The following SERF2 variants were observed in gnomAD, a reference collection of about 807,000 sequenced individuals.
SERF2 encodes small EDRK-rich factor 2.
In SERF2, 4 loss-of-function variants were observed where a neutral mutation model predicts 10.7. The observed-to-expected ratio is 0.37, with a 90% CI of 0.18 to 0.86. The LOEUF (loss-of-function observed/expected upper bound fraction) is 0.86. Among genes scored for constraint, SERF2 ranks in the 40% least tolerant of loss-of-function variants. The pLI is 0.43. For synonymous variants in SERF2, 26 were observed against 26.0 expected (o/e 1.00, Z 0.01); for missense variants, 47 against 79.1 (o/e 0.59, Z 1.54).
chr15:43,779,231 TTC>T (rs1474628863), intron 1 of SERF2, among the ~76,000 whole-genome samples: 1 of 152,172 alleles, frequency 6.6e-6, no homozygotes, highest in Non-Finnish European at 1.5e-5. Flanking sequence ...GAAAATTTTT[TTC>T]TGATTGCTTC....
upstream of SERF2, among the ~76,000 whole-genome samples, chr15:43,791,296 C>G (rs2087057762): frequency 6.6e-6 from 1 of 151,782 alleles, no homozygotes. Context: ...GGCTGGAGTG[C>G]AATGGCGCGA....
At position 43,794,696 on chromosome 15, in the gene SERF2, C is replaced by A; in HGVS notation, c.*923C>A. ...TCTTTCCCCACCCCCACTTCCAGCC[C>A]AAGAGCCAGGAAAGGGCTGGTGCCA... On this transcript the variant is annotated 3_prime_UTR_variant, in exon 3 of 3. Coordinates refer to ENST00000249786, the MANE Select transcript of SERF2 (RefSeq NM_001018108.4). 1 of 298,062 alleles carries A rather than the reference C, an allele frequency of 3.4e-6. No individual in the cohort carries two copies. The allele number at this position is 298,062 out of a possible 1,614,324, so 18.5% of individuals were successfully genotyped here. A position where few individuals can be genotyped will look rare whatever the true frequency, so the allele number is the denominator to read the frequency against.
exon 1 of SERF2, chr15:43,777,230 C>T: frequency 1.9e-6 from 1 of 521,260 alleles, no homozygotes; most frequent in Non-Finnish European, 3.8e-6. Context: ...TCAGAGTCCC[C>T]AGTCCTGCCT....
Position 43,783,927 on chromosome 15 carries a change from A to ATTTTTTTTTT in SERF2, c.-526-1463_-526-1454dup, listed in dbSNP as rs71111825. 8.7e-3 allele frequency among the ~76,000 whole-genome samples: 419 copies of ATTTTTTTTTT among 48,152 alleles called. 6 individuals carry two copies. Among genetic ancestry groups the ATTTTTTTTTT allele is most frequent in the East Asian group, 0.012 (15 of 1,234 alleles). The allele number at this position is 48,152 out of a possible 152,430, so 31.6% of individuals were successfully genotyped here. A position where few individuals can be genotyped will look rare whatever the true frequency, so the allele number is the denominator to read the frequency against. On this transcript the variant is annotated intron_variant, in intron 1 of 4. Transcript: ENST00000381359. ...CAAGCGGGTGCCACCACGCCCAGCT[A>ATTTTTTTTTT]TTTTTTTTTTTTTTTTTTTTTTTTT...
rs753706823 is a variant in SERF2 at position 43,795,023 on chromosome 15, C to G, written c.*1250C>G. 1 of 1,611,126 alleles carries G rather than the reference C, an allele frequency of 6.2e-7. No homozygotes were observed. The highest frequency in any genetic ancestry group is 8.5e-7 in the Non-Finnish European group (1 of 1,179,428). ...ACTTAGACTGGAGGATATTTGTTAT[C>G]TGGGGATATGATGCGGTGGCGGCGG... is the stretch of plus-strand genomic sequence containing the variant. On this transcript the variant is annotated 3_prime_UTR_variant, in exon 3 of 3. Coordinates refer to ENST00000249786, the MANE Select transcript of SERF2 (RefSeq NM_001018108.4).
upstream of SERF2, among the ~76,000 whole-genome samples, chr15:43,789,219 T>C (rs939629254): frequency 6.6e-6 from 1 of 152,014 alleles, no homozygotes; most frequent in Non-Finnish European, 1.5e-5. Flanking sequence ...CTAGTAGTTA[T>C]ATTAGCAGTA....
At chr15:43,791,495 A>C (rs1006147340), upstream of SERF2, among the ~76,000 whole-genome samples, 1 of 151,388 alleles carries the variant, frequency 6.6e-6, no homozygotes, top group Non-Finnish European at 1.5e-5. Context: ...TCAGCCTCCC[A>C]AAGTGCTGGG....
At chr15:43,792,094 G>A (rs2087071440), upstream of SERF2, 3 of 383,878 alleles carry the variant, frequency 7.8e-6, no homozygotes, top group South Asian at 6.7e-5. Flanking sequence ...ACCTGCCCAC[G>A]TGACCCGGCC....
chr15:43,785,220 C>A (rs1045124159), intron 1 of SERF2, among the ~76,000 whole-genome samples: 1 of 151,040 alleles, frequency 6.6e-6, no homozygotes, highest in African/African-American at 2.4e-5. Flanking sequence ...AGGCGCCCAC[C>A]ACCACACCCG....
chr15:43,791,222 C>T (rs527316020), upstream of SERF2, among the ~76,000 whole-genome samples: 104 of 150,996 alleles, frequency 6.9e-4, no homozygotes, highest in Non-Finnish European at 1.2e-3. Context: ...TACAGGCGCC[C>T]GCCACCACGC....
chr15:43,792,273 G>T (rs1393305112), upstream of SERF2: 4 of 1,024,812 alleles, frequency 3.9e-6, no homozygotes, highest in Admixed American at 6.9e-5. Flanking sequence ...AAGGGGCGGG[G>T]AGGAAAGGAA....
At chr15:43,793,112 C>A in intron 2 of SERF2, 29 bp downstream of exon 2, 1 of 1,435,100 alleles carries the variant, frequency 7.0e-7, no homozygotes, top group Non-Finnish European at 9.8e-7. Flanking sequence ...GGGAAAGGGA[C>A]GGTGGAGACC....
intron 1 of SERF2, among the ~76,000 whole-genome samples, chr15:43,779,407 G>A (rs1394204787): frequency 1.3e-5 from 2 of 152,178 alleles, no homozygotes; most frequent in Non-Finnish European, 2.9e-5. Flanking sequence ...CTGAGGCTTA[G>A]AGAAGCAGAG....
chr15:43,795,943 A>G lies in SERF2; in HGVS notation c.*2170A>G, dbSNP rs1036737038. The G allele has an allele frequency of 6.2e-6, 4 of 643,204 alleles. No individual in the cohort carries two copies. Among genetic ancestry groups the G allele is most frequent in the Non-Finnish European group, 1.1e-5 (4 of 367,688 alleles). 39.8% of individuals were successfully genotyped at this position (643,204 alleles called of 1,614,324 possible). ...CTCGATTTCTCCATTTGTAAAATGG[A>G]GCAAATACCTACCTCACAGGGTTGT... On this transcript the variant is annotated 3_prime_UTR_variant, in exon 3 of 3. Transcript: ENST00000249786.
chr15:43,792,683 A>C (rs1372056527), intron 1 of SERF2: 5 of 1,244,512 alleles, frequency 4.0e-6, no homozygotes, highest in Non-Finnish European at 5.4e-6. Context: ...TCCCCCACGG[A>C]GACCCAAACC....
intron 1 of SERF2, among the ~76,000 whole-genome samples, chr15:43,781,352 C>T (rs142155638): frequency 3.9e-5 from 6 of 151,964 alleles, no homozygotes; most frequent in East Asian, 3.9e-4. Context: ...GTCAGGAGTT[C>T]GAGACCAGCC....
At position 43,793,801 on chromosome 15, in the gene SERF2, G is replaced by C. The variant is rs2087132779; in HGVS notation, c.*28G>C. ...TTGTGGCTTCGTGTCCAACCCTCTT[G>C]CCCTTCGCCTGTGTGCCTGGAGCCA... is the stretch of plus-strand genomic sequence containing the variant. On this transcript the variant is annotated 3_prime_UTR_variant, in exon 3 of 3. Coordinates refer to ENST00000249786, the MANE Select transcript of SERF2 (RefSeq NM_001018108.4). 2 of 1,614,046 alleles carry C rather than the reference G, an allele frequency of 1.2e-6. No individual in the cohort carries two copies. Among genetic ancestry groups the C allele is most frequent in the Middle Eastern group, 1.6e-4 (1 of 6,084 alleles).
chr15:43,780,441 GA>G (rs2086955718), intron 1 of SERF2, among the ~76,000 whole-genome samples: 1 of 152,078 alleles, frequency 6.6e-6, no homozygotes, highest in African/African-American at 2.4e-5. Flanking sequence ...CGCGCCCTGC[GA>G]TCTTGACTGT....
rs1370065842 is a variant in SERF2, at chr15:43,793,852, T to C, written c.*79T>C. ...GTCCCACCACGCTCGCGTTTCCTCC[T>C]GTAGTGCTCACAGGTCCCAGCACCG... On this transcript the variant is annotated 3_prime_UTR_variant, in exon 3 of 3. Coordinates refer to ENST00000249786, the MANE Select transcript of SERF2 (RefSeq NM_001018108.4). The C allele has an allele frequency of 6.2e-7, 1 of 1,613,506 alleles. No homozygotes were observed. Among genetic ancestry groups the C allele is most frequent in the Non-Finnish European group, 8.5e-7 (1 of 1,179,764 alleles).
Sources: allele counts gnomAD v4.1 joint callset (sites outside exome capture counted in the v4.1 genomes callset), GRCh38; gene constraint gnomAD v4.1.1; transcripts MANE v1.5; gene names NCBI Gene and HGNC (gene_info 2026-07-23, HGNC 2026-07-21).